FBXL2: variants seen among roughly 807,000 people sequenced by gnomAD.
FBXL2 encodes the protein F-box/LRR-repeat protein 2.
Under a neutral mutation model 69.2 loss-of-function variants are expected in FBXL2, and 38 were observed. The observed-to-expected ratio is 0.55, with a 90% confidence interval of 0.42 to 0.72. The LOEUF (loss-of-function observed/expected upper bound fraction) is 0.72, where lower values mean the gene tolerates loss of function less well. Ranked by LOEUF, FBXL2 falls within the 30% of genes least tolerant of loss-of-function variation. The pLI is 0.00. For synonymous variants in FBXL2, 192 were observed against 201.3 expected (o/e 0.95, Z 0.39); for missense variants, 354 against 520.3 (o/e 0.68, Z 3.11).
chr3:33,412,929 A>G, the FBXL2 span: 1 of 722,460 alleles, frequency 1.4e-6, no homozygotes, highest in South Asian at 1.8e-5. Flanking sequence ...TAGAACACAT[A>G]CAACTAGATT....
chr3:33,396,218 T>C (rs1403781502), intron 12 of FBXL2: 18 of 1,595,494 alleles, frequency 1.1e-5, no homozygotes, highest in Non-Finnish European at 1.4e-5. Flanking sequence ...CTGCTGCCCT[T>C]GCAGCACTGT....
intron 2 of FBXL2, among the ~76,000 whole-genome samples, chr3:33,323,542 G>A (rs1346861765): frequency 3.2e-4 from 49 of 152,054 alleles, no homozygotes; most frequent in Admixed American, 3.1e-3. Context: ...TCTCACTTAC[G>A]AGTGAGAACA....
chr3:33,353,077 T>G (rs1438109812), intron 2 of FBXL2, among the ~76,000 whole-genome samples: 1 of 152,164 alleles, frequency 6.6e-6, no homozygotes, highest in African/African-American at 2.4e-5. Context: ...ATTAAGACAA[T>G]GAGATACCAC....
At chr3:33,402,929 T>C (rs1313038546) in intron 12 of FBXL2, 1 of 1,550,140 alleles carries the variant, frequency 6.5e-7, no homozygotes, top group Non-Finnish European at 8.8e-7. Flanking sequence ...AGAAATAAAT[T>C]AGTGATATGC....
intron 5 of FBXL2, among the ~76,000 whole-genome samples, chr3:33,368,517 TTA>T (rs926579981): frequency 8.5e-5 from 13 of 152,194 alleles, no homozygotes; most frequent in African/African-American, 2.2e-4. Context: ...AGTGTTGGCA[TTA>T]TATATGTTTT....
intron 2 of FBXL2, among the ~76,000 whole-genome samples, chr3:33,357,275 C>A (rs147564085): frequency 6.6e-6 from 1 of 152,138 alleles, no homozygotes; most frequent in Non-Finnish European, 1.5e-5. Flanking sequence ...TTTTAGAACC[C>A]AATCCCTGCA....
intron 2 of FBXL2, among the ~76,000 whole-genome samples, chr3:33,357,531 C>CTTTTT (rs11425930): frequency 3.9e-5 from 5 of 129,404 alleles, no homozygotes; most frequent in South Asian, 2.4e-4. Flanking sequence ...TCCACTGAGT[C>CTTTTT]TTTTTTTTTT....
chr3:33,396,694 C>T (rs1243673052), intron 12 of FBXL2: 1 of 457,128 alleles, frequency 2.2e-6, no homozygotes, highest in African/African-American at 2.0e-5. Flanking sequence ...TTTTTAATAA[C>T]TGTTTAGTAA....
At chr3:33,401,704 G>A (rs946334368) in intron 12 of FBXL2, among the ~76,000 whole-genome samples, 9 of 152,156 alleles carry the variant, frequency 5.9e-5, no homozygotes, top group East Asian at 5.8e-4. Flanking sequence ...TCCTTCAGAC[G>A]GGGGTCTGTC....
At chr3:33,337,137 G>A (rs1278413919) in intron 2 of FBXL2, among the ~76,000 whole-genome samples, 1 of 150,434 alleles carries the variant, frequency 6.6e-6, no homozygotes, top group East Asian at 2.0e-4. Context: ...CCCGGGAGGT[G>A]GAGGTTGCAG....
chr3:33,332,059 AG>A (rs1196280135), intron 2 of FBXL2, among the ~76,000 whole-genome samples: 8 of 152,192 alleles, frequency 5.3e-5, no homozygotes, highest in African/African-American at 1.9e-4. Context: ...AAAGCATATC[AG>A]GTTCTGGAAA....
chr3:33,397,096 T>C, intron 12 of FBXL2: 4 of 1,602,640 alleles, frequency 2.5e-6, no homozygotes, highest in Non-Finnish European at 2.6e-6. Flanking sequence ...ACCACAAATT[T>C]GAACTAAATC....
chr3:33,280,926 T>A (rs2033927618), intron 1 of FBXL2, among the ~76,000 whole-genome samples: 1 of 152,178 alleles, frequency 6.6e-6, no homozygotes, highest in Non-Finnish European at 1.5e-5. Context: ...TCGACTTTCC[T>A]ATTTTGACAC....
At chr3:33,334,563 G>A (rs534715812) in intron 2 of FBXL2, among the ~76,000 whole-genome samples, 1 of 152,170 alleles carries the variant, frequency 6.6e-6, no homozygotes, top group East Asian at 1.9e-4. Flanking sequence ...AATATTAAGA[G>A]GTCTAACATA....
chr3:33,418,147 A>T, the FBXL2 span, among the ~76,000 whole-genome samples: 2 of 152,258 alleles, frequency 1.3e-5, no homozygotes, highest in Non-Finnish European at 2.9e-5. Context: ...GTTTTGAAAA[A>T]TACACCATTT....
chr3:33,369,713 A>T (rs1368788311), intron 5 of FBXL2, among the ~76,000 whole-genome samples: 1 of 152,084 alleles, frequency 6.6e-6, no homozygotes, highest in African/African-American at 2.4e-5. Flanking sequence ...CCCAGGTTCA[A>T]GTGATTCTTG....
At chr3:33,293,303 A>G (rs1198359498) in intron 1 of FBXL2, among the ~76,000 whole-genome samples, 1 of 152,242 alleles carries the variant, frequency 6.6e-6, no homozygotes, top group African/African-American at 2.4e-5. Flanking sequence ...GGCAGGTTCT[A>G]TCACTATCCG....
chr3:33,391,002 T>A (rs2043742038), downstream of FBXL2: 4 of 152,506 alleles, frequency 2.6e-5, no homozygotes, highest in Admixed American at 2.6e-4. Context: ...AAAACAAAAC[T>A]ATGCAATTAT....
chr3:33,289,788 C>T, intron 1 of FBXL2: 2 of 985,384 alleles, frequency 2.0e-6, no homozygotes, highest in Non-Finnish European at 2.4e-6. Context: ...AAGAAGGGTC[C>T]TGCTGAGGTG....
Sources: gnomAD v4.1 joint callset for allele counts (sites outside exome capture counted in the v4.1 genomes callset) on GRCh38, gnomAD v4.1.1 for gene constraint, MANE v1.5 for transcripts, NCBI Gene and HGNC (gene_info 2026-07-23, HGNC 2026-07-21) for gene names.